SLC23A2: variants seen among roughly 807,000 people sequenced by gnomAD.
SLC23A2 encodes the protein Na(+)/L-ascorbic acid transporter 2.
A neutral mutation model predicts 73.3 loss-of-function variants in SLC23A2; 36 were observed. The observed-to-expected ratio is 0.49, with a 90% confidence interval of 0.38 to 0.65. The LOEUF (loss-of-function observed/expected upper bound fraction) is 0.65. SLC23A2 is among the 30% of genes least tolerant of loss of function. The probability of loss-of-function intolerance (pLI) is 0.00; values close to 1 mark genes in which losing one functional copy is unlikely to be tolerated. For synonymous variants in SLC23A2, 343 were observed against 327.3 expected (o/e 1.05, Z -0.52); for missense variants, 507 against 841.6 (o/e 0.60, Z 4.92).
intron 2 of SLC23A2, among the ~76,000 whole-genome samples, chr20:4,960,171 T>G (rs2087357480): frequency 6.6e-6 from 1 of 152,108 alleles, no homozygotes; most frequent in Non-Finnish European, 1.5e-5. Flanking sequence ...CTAGTGAATA[T>G]CCACAAACCA....
intron 2 of SLC23A2, among the ~76,000 whole-genome samples, chr20:4,940,761 T>C (rs977375492): frequency 1.3e-5 from 2 of 152,218 alleles, no homozygotes; most frequent in Non-Finnish European, 2.9e-5. Flanking sequence ...TGATTCCACT[T>C]ACGTGAGGCG....
At chr20:4,859,844 T>C (rs546282658) in intron 15 of SLC23A2, among the ~76,000 whole-genome samples, 1 of 152,378 alleles carries the variant, frequency 6.6e-6, no homozygotes, top group South Asian at 2.1e-4. Flanking sequence ...TAGCTGCTTT[T>C]AATCAGGGGC....
chr20:4,863,241 C>T lies in SLC23A2; in HGVS notation c.1357-334G>A, dbSNP rs6037998. ...GCACCACATGTCACCAAGGCAATTT[C>T]CCCCAAAGTGCTTCAGCCTCAATGC... On this transcript the variant is annotated intron_variant, in intron 13 of 16. Transcript: ENST00000338244. This position sits in a 1 kb window ranked among gnomAD's most constrained non-coding sequence, Gnocchi z 4.8. Among the ~76,000 whole-genome samples the T allele has an allele frequency of 0.34, 51,361 of 151,944 alleles. 10,959 individuals are homozygous for T. The highest frequency in any genetic ancestry group is 0.61 in the African/African-American group (25,284 of 41,346).
At chr20:4,867,980 T>C in intron 12 of SLC23A2, 105 bp from the exon 13 acceptor site, 1 of 634,666 alleles carries the variant, frequency 1.6e-6, no homozygotes, top group Non-Finnish European at 2.7e-6. Flanking sequence ...GTCCAGAGCC[T>C]GCAGCTTCCA....
intron 2 of SLC23A2, among the ~76,000 whole-genome samples, chr20:4,969,437 T>C (rs2087528478): frequency 6.6e-6 from 1 of 152,172 alleles, no homozygotes; most frequent in African/African-American, 2.4e-5. Context: ...CCCCTCTAAG[T>C]ATTTGTAAAA....
intron 16 of SLC23A2, among the ~76,000 whole-genome samples, chr20:4,858,469 C>T (rs531008180): frequency 1.3e-5 from 2 of 152,272 alleles, no homozygotes; most frequent in South Asian, 4.1e-4. Context: ...CAGTGCCTTC[C>T]ATCTATTTGT....
At chr20:5,001,528 CG>C, upstream of SLC23A2, 1 of 150,058 alleles carries the variant, frequency 6.7e-6, no homozygotes. Flanking sequence ...AGGGGCGGGC[CG>C]GGGGCGGGGT....
intron 6 of SLC23A2, among the ~76,000 whole-genome samples, chr20:4,893,016 C>T (rs779992186): frequency 2.4e-4 from 36 of 151,582 alleles, no homozygotes; most frequent in African/African-American, 5.1e-4. Context: ...CAAGAGACAC[C>T]GTCATTGCTA....
chr20:5,004,606 G>T (rs2088169282), upstream of SLC23A2, among the ~76,000 whole-genome samples: 1 of 152,154 alleles, frequency 6.6e-6, no homozygotes, highest in Non-Finnish European at 1.5e-5. Flanking sequence ...AGCATTTTGG[G>T]AGACCAAGGC....
At position 4,902,552 on chromosome 20, in the gene SLC23A2, G is replaced by A. The variant is rs1423495069; in HGVS notation, c.214C>T (p.Leu72Phe). Residue 72 changes from leucine (L) to phenylalanine (F), a missense_variant, in exon 5 of 17, where the codon CTC (leucine) becomes TTC (phenylalanine). Physicochemically the swap from Leu to Phe is conservative, Grantham distance 22. Coordinates refer to ENST00000338244, the MANE Select transcript of SLC23A2 (RefSeq NM_005116.6). This position sits in a 1 kb window ranked among gnomAD's most constrained non-coding sequence, Gnocchi z 4.0. The part of the protein sequence containing the change: ...TENGIAEKSS[L>F]AETLDSTGSL... Reference sequence around the variant, plus strand: ...CCAGTGCTATCCAGGGTCTCAGCGAGAGAGCTCTGCGAGCCAGAAGGAGAA... The same window carrying A: ...CCAGTGCTATCCAGGGTCTCAGCGAAAGAGCTCTGCGAGCCAGAAGGAGAA... 2 of 1,595,976 alleles carry A rather than the reference G, an allele frequency of 1.3e-6. No individual in the cohort carries two copies. Among genetic ancestry groups the A allele is most frequent in the East Asian group, 2.2e-5 (1 of 44,572 alleles).
chr20:5,000,285 C>G (rs554661573), intron 1 of SLC23A2, among the ~76,000 whole-genome samples: 1 of 152,156 alleles, frequency 6.6e-6, no homozygotes, highest in South Asian at 2.1e-4. Context: ...GGCCCAAACC[C>G]AACAGCATTC....
chr20:4,908,506 G>A (rs1932034141), intron 4 of SLC23A2, among the ~76,000 whole-genome samples: 1 of 152,118 alleles, frequency 6.6e-6, no homozygotes, highest in Non-Finnish European at 1.5e-5. Flanking sequence ...TTACAATAAT[G>A]AACATTATTT....
Position 4,900,152 on chromosome 20 carries a change from G to A in SLC23A2, c.325-440C>T, listed in dbSNP as rs548424507. 3.9e-4 allele frequency among the ~76,000 whole-genome samples: 60 copies of A among 152,348 alleles called. No individual in the cohort carries two copies. In the South Asian group the frequency reaches 0.012, roughly 29 times the overall value. The stretch of plus-strand genomic sequence containing the variant: ...TCTCCAAAGTGCTGGGATTACAGGC[G>A]TGAGCCACCACGCCCAGCTGCATTT... On this transcript the variant is annotated intron_variant, in intron 5 of 16. Transcript: ENST00000338244.
intron 4 of SLC23A2, among the ~76,000 whole-genome samples, chr20:4,909,154 T>C (rs1336699378): frequency 4.6e-5 from 7 of 152,202 alleles, no homozygotes; most frequent in Non-Finnish European, 8.8e-5. Context: ...GGAATATACA[T>C]ACAGGTTGAA....
intron 1 of SLC23A2, among the ~76,000 whole-genome samples, chr20:4,974,957 T>C (rs1041785992): frequency 4.6e-5 from 7 of 152,118 alleles, no homozygotes; most frequent in African/African-American, 1.7e-4. Context: ...TGGCTAATTT[T>C]TGTATTTTTA....
intron 4 of SLC23A2, among the ~76,000 whole-genome samples, chr20:4,912,152 G>A (rs147649641): frequency 5.3e-5 from 8 of 151,854 alleles, no homozygotes; most frequent in South Asian, 2.1e-4. Flanking sequence ...GATTGGAGCC[G>A]CTTTGGGCAA....
At chr20:4,971,819 GT>G (rs1167511807) in intron 1 of SLC23A2, among the ~76,000 whole-genome samples, 3 of 151,954 alleles carry the variant, frequency 2.0e-5, no homozygotes, top group African/African-American at 7.2e-5. Flanking sequence ...TTTGCACTCA[GT>G]TGGGATTTCT....
chr20:4,874,903 C>T (rs913488532), intron 9 of SLC23A2, among the ~76,000 whole-genome samples: 1 of 152,148 alleles, frequency 6.6e-6, no homozygotes, highest in African/African-American at 2.4e-5. Context: ...GATGTTACAA[C>T]TAATTTGCCT....
chr20:4,880,012 C>T (rs8125299), intron 9 of SLC23A2, among the ~76,000 whole-genome samples: 22,294 of 152,160 alleles, frequency 0.15, 3,748 homozygotes, highest in African/African-American at 0.42. Flanking sequence ...AACTTTAGCA[C>T]GCTACCTGAA....
Sources: allele counts gnomAD v4.1 joint callset (sites outside exome capture counted in the v4.1 genomes callset), GRCh38; gene constraint gnomAD v4.1.1; non-coding constraint Gnocchi (gnomAD v3.1); transcripts MANE v1.5; gene names NCBI Gene and HGNC (gene_info 2026-07-23, HGNC 2026-07-21).